RANBP2: variants seen among roughly 807,000 people sequenced by gnomAD.
RANBP2 encodes RAN binding protein 2.
In RANBP2, 57 loss-of-function variants were observed where a neutral mutation model predicts 303.6. That is an observed-to-expected ratio of 0.19 (90% CI 0.15 to 0.23). The LOEUF (loss-of-function observed/expected upper bound fraction) is 0.23, where lower values mean the gene tolerates loss of function less well. RANBP2 is among the 10% of genes least tolerant of loss of function. The pLI, the probability that RANBP2 is intolerant of heterozygous loss-of-function variation, is 1.00. For synonymous variants in RANBP2, 1,167 were observed against 1,301.5 expected (o/e 0.90, Z 2.23); for missense variants, 3,138 against 3,780.8 (o/e 0.83, Z 4.46).
chr2:109,005,559 C>T, the RANBP2 span, among the ~76,000 whole-genome samples: 10 of 152,246 alleles, frequency 6.6e-5, no homozygotes, highest in African/African-American at 2.4e-4. Flanking sequence ...CCTGGGCAGT[C>T]GCAGTGTGCA....
chr2:109,137,129 T>C, the RANBP2 span, among the ~76,000 whole-genome samples: 2 of 152,236 alleles, frequency 1.3e-5, no homozygotes, highest in Non-Finnish European at 2.9e-5. Flanking sequence ...GAGGAAAACA[T>C]GTGTCTATAT....
chr2:109,715,036 C>T, the RANBP2 span, among the ~76,000 whole-genome samples: 1 of 151,814 alleles, frequency 6.6e-6, no homozygotes, highest in Non-Finnish European at 1.5e-5. Flanking sequence ...ATAGTGTGAT[C>T]GGCTCATTGC....
At chr2:109,047,010 C>A in the RANBP2 span, among the ~76,000 whole-genome samples, 2 of 152,148 alleles carry the variant, frequency 1.3e-5, no homozygotes, top group African/African-American at 4.8e-5. Flanking sequence ...CCCTGCCCTG[C>A]CCTGCAGTGC....
the RANBP2 span, among the ~76,000 whole-genome samples, chr2:108,988,411 C>CA: frequency 6.6e-6 from 1 of 152,186 alleles, no homozygotes; most frequent in Non-Finnish European, 1.5e-5. Flanking sequence ...TCAATCATCA[C>CA]AAATAGGTAC....
At chr2:109,082,038 A>T in the RANBP2 span, among the ~76,000 whole-genome samples, 1 of 152,198 alleles carries the variant, frequency 6.6e-6, no homozygotes, top group Non-Finnish European at 1.5e-5. Flanking sequence ...CCAAATGCAA[A>T]GGCGGAGCCC....
At chr2:109,249,596 T>TC in the RANBP2 span, among the ~76,000 whole-genome samples, 1 of 145,244 alleles carries the variant, frequency 6.9e-6, no homozygotes, top group African/African-American at 2.6e-5. Flanking sequence ...TTCCTTTCTT[T>TC]CTTTTTCTTT....
At chr2:109,281,935 C>G in the RANBP2 span, among the ~76,000 whole-genome samples, 1 of 152,126 alleles carries the variant, frequency 6.6e-6, no homozygotes, top group Non-Finnish European at 1.5e-5. Context: ...AAAGGCCTGC[C>G]TGGCTCTGTG....
At chr2:109,101,452 G>A in the RANBP2 span, among the ~76,000 whole-genome samples, 1 of 151,886 alleles carries the variant, frequency 6.6e-6, no homozygotes, top group African/African-American at 2.4e-5. Flanking sequence ...GCGGGAACTC[G>A]GGAGGTGGAG....
the RANBP2 span, among the ~76,000 whole-genome samples, chr2:109,664,473 C>T: frequency 2.0e-5 from 3 of 151,508 alleles, no homozygotes; most frequent in South Asian, 4.2e-4. Flanking sequence ...GCATTGTGGC[C>T]GGCACCTGTA....
the RANBP2 span, among the ~76,000 whole-genome samples, chr2:108,840,804 CT>C: frequency 3.3e-5 from 5 of 150,564 alleles, no homozygotes; most frequent in East Asian, 9.7e-4. Context: ...TTCTTTTTTT[CT>C]TTTTTTCTTT....
chr2:108,795,953 G>T, the RANBP2 span, among the ~76,000 whole-genome samples: 1 of 152,196 alleles, frequency 6.6e-6, no homozygotes, highest in Non-Finnish European at 1.5e-5. Flanking sequence ...AGATTGCAAG[G>T]ATGTATCTAT....
chr2:109,379,770 C>T, the RANBP2 span, among the ~76,000 whole-genome samples: 1 of 152,094 alleles, frequency 6.6e-6, no homozygotes, highest in Admixed American at 6.5e-5. Flanking sequence ...GTAAAGCCCT[C>T]CTGCAGGTGA....
the RANBP2 span, among the ~76,000 whole-genome samples, chr2:109,432,190 G>T: frequency 2.6e-5 from 4 of 152,186 alleles, no homozygotes; most frequent in African/African-American, 9.6e-5. Context: ...GAGGGCTTTG[G>T]GGTCACTGGG....
the RANBP2 span, among the ~76,000 whole-genome samples, chr2:109,159,864 G>T: frequency 6.6e-6 from 1 of 152,218 alleles, no homozygotes; most frequent in South Asian, 2.1e-4. Context: ...ACCCTCAGAT[G>T]AGACTGTCTA....
At chr2:109,089,595 G>T in the RANBP2 span, among the ~76,000 whole-genome samples, 1 of 152,154 alleles carries the variant, frequency 6.6e-6, no homozygotes, top group Non-Finnish European at 1.5e-5. Flanking sequence ...GACAGAGCAA[G>T]ACCTTGTCTC....
chr2:108,905,988 T>C, the RANBP2 span, among the ~76,000 whole-genome samples: 2 of 152,172 alleles, frequency 1.3e-5, no homozygotes, highest in African/African-American at 2.4e-5. Flanking sequence ...ACACGGTCTC[T>C]GGGGACACGG....
the RANBP2 span, among the ~76,000 whole-genome samples, chr2:109,235,975 CTTTA>C: frequency 4.6e-5 from 7 of 152,082 alleles, no homozygotes; most frequent in African/African-American, 1.7e-4. Context: ...TGCTCACTGC[CTTTA>C]CTTTAAGAGG....
the RANBP2 span, among the ~76,000 whole-genome samples, chr2:109,385,281 G>A: frequency 1.5e-4 from 23 of 152,302 alleles, no homozygotes; most frequent in South Asian, 4.1e-4. Context: ...ACAAAACAGC[G>A]CACAAAGGGA....
the RANBP2 span, among the ~76,000 whole-genome samples, chr2:109,471,855 G>C: frequency 6.6e-6 from 1 of 152,188 alleles, no homozygotes; most frequent in Non-Finnish European, 1.5e-5. Flanking sequence ...CACTCTATTT[G>C]CTGAGACTAT....
Sources: allele counts gnomAD v4.1 joint callset (sites outside exome capture counted in the v4.1 genomes callset), GRCh38; gene constraint gnomAD v4.1.1; transcripts MANE v1.5; gene names NCBI Gene and HGNC (gene_info 2026-07-23, HGNC 2026-07-21).